Variants in ADPRM observed in about 807,000 individuals in gnomAD.
The protein encoded by ADPRM is manganese-dependent ADP-ribose/CDP-alcohol diphosphatase.
A neutral mutation model predicts 27.2 loss-of-function variants in ADPRM; 17 were observed. The ratio of observed to expected loss-of-function variants is 0.63; its 90% CI spans 0.43 to 0.94. ADPRM has a LOEUF of 0.94. Among genes scored for constraint, ADPRM ranks in the 40% least tolerant of loss-of-function variants. The pLI, the probability that ADPRM is intolerant of heterozygous loss-of-function variation, is 0.00. For synonymous variants in ADPRM, 135 were observed against 145.3 expected (o/e 0.93, Z 0.51); for missense variants, 337 against 412.8 (o/e 0.82, Z 1.59).
intron 3 of ADPRM, among the ~76,000 whole-genome samples, chr17:10,709,928 TG>T (rs1311929691): frequency 5.9e-5 from 9 of 152,196 alleles, no homozygotes; most frequent in Admixed American, 5.2e-4. Context: ...GTATCTCCTG[TG>T]GATGCCAGTA....
chr17:10,702,153 C>G lies in ADPRM; in HGVS notation c.-17-2757C>G, dbSNP rs1316461189. ...AAAAAGTCCGAAATCTAAAACACTT[C>G]TGGTCCCAAGCATTTTGGATAAGGA... On this transcript the variant is annotated intron_variant, in intron 1 of 3. Transcript: ENST00000379774. The surrounding 1 kb of genome is among the most constrained non-coding windows in gnomAD (Gnocchi z 4.2). Among the ~76,000 whole-genome samples, 7 of 152,218 alleles carry G rather than the reference C, an allele frequency of 4.6e-5. No homozygotes were observed. The highest frequency in any genetic ancestry group is 1.7e-4 in the African/African-American group (7 of 41,450).
chr17:10,698,902 A>G (rs915330667), intron 1 of ADPRM: 1 of 152,218 alleles, frequency 6.6e-6, no homozygotes, highest in African/African-American at 2.4e-5. Context: ...AAAAGACATA[A>G]AAGTACCTTG....
In ADPRM at chr17:10,705,848, TGAAACA is replaced by T; in HGVS notation, c.601+328_601+333del. The T allele has an allele frequency of 3.1e-6, 1 of 325,276 alleles. No individual in the cohort carries two copies. The highest frequency in any genetic ancestry group is 5.7e-6 in the Non-Finnish European group (1 of 174,796). 20.1% of individuals were successfully genotyped at this position (325,276 alleles called of 1,614,324 possible). ...GTACGTGGGCAAGACAGATGATAAATGAAACAGAAACAAGATTATTTCCACGGTCGT... is the reference window on the plus strand; with the variant it reads ...GTACGTGGGCAAGACAGATGATAAATGAAACAAGATTATTTCCACGGTCGT... On this transcript the variant is annotated intron_variant, in intron 2 of 3. Coordinates refer to ENST00000379774, the MANE Select transcript of ADPRM (RefSeq NM_020233.5). The surrounding 1 kb of genome is among the most constrained non-coding windows in gnomAD (Gnocchi z 5.4).
Position 10,705,796 on chromosome 17 carries a change from A to G in ADPRM, c.601+269A>G, listed in dbSNP as rs2074808981. ...CAATACTAACAATATTACTTTTTTG[A>G]TGGATGGAATGGAGGGAACAAACAC... On this transcript the variant is annotated intron_variant, in intron 2 of 3. Transcript: ENST00000379774. This position sits in a 1 kb window ranked among gnomAD's most constrained non-coding sequence, Gnocchi z 5.4. 1 of 448,390 alleles carries G rather than the reference A, an allele frequency of 2.2e-6. No homozygotes were observed. Among genetic ancestry groups the G allele is most frequent in the Non-Finnish European group, 4.0e-6 (1 of 247,108 alleles). The allele number at this position is 448,390 out of a possible 1,614,324, so 27.8% of individuals were successfully genotyped here.
rs765697723 is a variant in ADPRM at position 10,705,182 on chromosome 17, T to C, written c.256T>C (p.Ser86Pro). Residue 86 changes from serine to proline, a missense_variant, in exon 2 of 4, where the codon TCC (serine) becomes CCC (proline). By Grantham distance (74) the Ser-to-Pro change is moderately conservative (BLOSUM62 -1). Transcript: ENST00000379774. This position sits in a 1 kb window ranked among gnomAD's most constrained non-coding sequence, Gnocchi z 5.4. ...IDGYNAQYNASKKSLELVMDM... is the reference protein window; with the variant it reads ...IDGYNAQYNAPKKSLELVMDM... ...TGGATATAATGCACAGTATAATGCA[T>C]CCAAAAAGTCCCTAGAACTTGTTAT... 7.4e-6 allele frequency: 12 copies of C among 1,614,070 alleles called. No homozygotes were observed. The highest frequency in any genetic ancestry group is 2.7e-5 in the African/African-American group (2 of 75,018).
chr17:10,700,644 G>T (rs1885337948), intron 1 of ADPRM, among the ~76,000 whole-genome samples: 1 of 151,122 alleles, frequency 6.6e-6, no homozygotes, highest in Non-Finnish European at 1.5e-5. Flanking sequence ...CATGCCTGTA[G>T]TCTTAGCTAC....
rs1445296145 is a variant in ADPRM at position 10,705,178 on chromosome 17, T to C, written c.252T>C (p.Asn84=). 1 of 1,614,156 alleles carries C rather than the reference T, an allele frequency of 6.2e-7. No individual in the cohort carries two copies. Among genetic ancestry groups the C allele is most frequent in the Admixed American group, 1.7e-5 (1 of 60,022 alleles). The change falls in exon 2 of 4, where the codon AAT becomes AAC. Residue 84 remains asparagine, a synonymous_variant. Coordinates refer to ENST00000379774, the MANE Select transcript of ADPRM (RefSeq NM_020233.5). The surrounding 1 kb of genome is among the most constrained non-coding windows in gnomAD (Gnocchi z 5.4). ...TCGATGGATATAATGCACAGTATAA[T>C]GCATCCAAAAAGTCCCTAGAACTTG... ...DIIDGYNAQY[N]ASKKSLELVM... is the part of the protein sequence containing the mutation.
intron 3 of ADPRM, among the ~76,000 whole-genome samples, chr17:10,709,119 A>C (rs903297755): frequency 9.9e-5 from 15 of 152,220 alleles, no homozygotes; most frequent in Non-Finnish European, 2.2e-4. Context: ...GGCTACTCCA[A>C]GGTCATCCTA....
Position 10,706,459 on chromosome 17 carries a change from T to C in ADPRM, c.623T>C (p.Val208Ala), listed in dbSNP as rs1431683860. Residue 208 changes from valine (V) to alanine (A), a missense_variant, in exon 3 of 4, where the codon GTC becomes GCC. Val to Ala is a moderately conservative substitution (Grantham distance 64). Coordinates refer to ENST00000379774, the MANE Select transcript of ADPRM (RefSeq NM_020233.5). ...SPQGLSEPQF[V>A]QFNGGFSQEQ... ...TCAGGACTTTCTGAGCCCCAGTTTG[T>C]CCAGTTTAATGGAGGATTCAGCCAA... 2 of 1,599,952 alleles carry C rather than the reference T, an allele frequency of 1.3e-6. No homozygotes were observed. The highest frequency in any genetic ancestry group is 1.7e-6 in the Non-Finnish European group (2 of 1,175,112).
At chr17:10,698,298 T>C (rs1039969097) in intron 1 of ADPRM, 9 of 152,234 alleles carry the variant, frequency 5.9e-5, no homozygotes, top group African/African-American at 2.2e-4. Flanking sequence ...TTGAAGTTTG[T>C]TATGGGTTCC....
rs2662938 is a variant in ADPRM at position 10,697,598 on chromosome 17, G to A, written c.-87G>A. On this transcript the variant is annotated 5_prime_UTR_variant, in exon 1 of 4. Coordinates refer to ENST00000379774, the MANE Select transcript of ADPRM (RefSeq NM_020233.5). ...GAAGTCGGAAGGAGTCGCTCTGTCC[G>A]TCCCGCTCGTTGGTGGCGCTGTTAC... 16,288 of 1,502,356 alleles carry A rather than the reference G, an allele frequency of 0.011. 1,201 individuals carry two copies. In the African/African-American group the frequency reaches 0.18, roughly 16 times the overall value. 93.1% of individuals were successfully genotyped at this position (1,502,356 alleles called of 1,614,324 possible).
chr17:10,698,350 G>A (rs1956072344), intron 1 of ADPRM: 1 of 152,124 alleles, frequency 6.6e-6, no homozygotes, highest in Non-Finnish European at 1.5e-5. Flanking sequence ...GAGGCCAAGA[G>A]CATTCGTAGG....
At chr17:10,709,207 A>C (rs2074834276) in intron 3 of ADPRM, among the ~76,000 whole-genome samples, 1 of 152,202 alleles carries the variant, frequency 6.6e-6, no homozygotes, top group South Asian at 2.1e-4. Flanking sequence ...CAGGATGAGA[A>C]GTGCGAGTGG....
In ADPRM at chr17:10,704,796, C is replaced by G. The variant is rs1252045200; in HGVS notation, c.-17-114C>G. 5 of 896,498 alleles carry G rather than the reference C, an allele frequency of 5.6e-6. No homozygotes were observed. The African/African-American group carries it at 8.4e-5, about 15-fold the overall frequency. 55.5% of individuals were successfully genotyped at this position (896,498 alleles called of 1,614,324 possible). A position where few individuals can be genotyped will look rare whatever the true frequency, so the allele number is the denominator to read the frequency against. ...GGCTCTAAAGCCCACGTACTTTTTC[C>G]TGTACCAAGCTGCCTAATGAATTAA... On this transcript the variant is annotated intron_variant, in intron 1 of 3. Coordinates refer to ENST00000379774, the MANE Select transcript of ADPRM (RefSeq NM_020233.5).
intron 3 of ADPRM, among the ~76,000 whole-genome samples, chr17:10,710,571 G>A (rs573087085): frequency 1.3e-5 from 2 of 152,270 alleles, no homozygotes; most frequent in South Asian, 2.1e-4. Context: ...TTGAGATGAC[G>A]TAGGCCTCAG....
intron 1 of ADPRM, among the ~76,000 whole-genome samples, chr17:10,701,393 C>G (rs568184894): frequency 6.6e-6 from 1 of 151,650 alleles, no homozygotes; most frequent in Non-Finnish European, 1.5e-5. Context: ...TGCAGTGGCG[C>G]GATCTCGGCT....
Position 10,705,297 on chromosome 17 carries a change from C to T in ADPRM, c.371C>T (p.Ser124Phe). 1.2e-6 allele frequency: 2 copies of T among 1,613,958 alleles called. No individual in the cohort carries two copies. The highest frequency in any genetic ancestry group is 1.7e-6 in the Non-Finnish European group (2 of 1,179,950). Residue 124 changes from serine (S) to phenylalanine (F), a missense_variant, in exon 2 of 4, where the codon TCT becomes TTT. Ser to Phe is a radical substitution (Grantham distance 155). Transcript: ENST00000379774. The surrounding 1 kb of genome is among the most constrained non-coding windows in gnomAD (Gnocchi z 5.4). ...YNFSREYLTH[S>F]KLNTKFLEDQ... Reference sequence around the variant, plus strand: ...TTCAGTAGAGAGTATTTAACACACTCTAAACTTAACACTAAGTTTCTAGAA... The same window carrying T: ...TTCAGTAGAGAGTATTTAACACACTTTAAACTTAACACTAAGTTTCTAGAA...
chr17:10,706,454 G>A lies in ADPRM; in HGVS notation c.618G>A (p.Gln206=), dbSNP rs531623557. 1.3e-6 allele frequency: 2 copies of A among 1,599,086 alleles called. No individual in the cohort carries two copies. Among genetic ancestry groups the A allele is most frequent in the East Asian group, 4.6e-5 (2 of 43,840 alleles). Residue 206 remains glutamine (Q), a synonymous_variant, in exon 3 of 4, where the codon CAG becomes CAA. Coordinates refer to ENST00000379774, the MANE Select transcript of ADPRM (RefSeq NM_020233.5). The part of the protein sequence containing the change: ...LNSPQGLSEP[Q]FVQFNGGFSQ... ...TCATTTCAGGACTTTCTGAGCCCCA[G>A]TTTGTCCAGTTTAATGGAGGATTCA...
At chr17:10,700,092 T>C (rs1046558981) in intron 1 of ADPRM, among the ~76,000 whole-genome samples, 2 of 152,232 alleles carry the variant, frequency 1.3e-5, no homozygotes, top group African/African-American at 4.8e-5. Flanking sequence ...GTATGGTATC[T>C]GCGTAGAAAA....
Sources: gnomAD v4.1 joint callset for allele counts (sites outside exome capture counted in the v4.1 genomes callset) on GRCh38, gnomAD v4.1.1 for gene constraint, Gnocchi (gnomAD v3.1) non-coding constraint, MANE v1.5 for transcripts, NCBI Gene and HGNC (gene_info 2026-07-23, HGNC 2026-07-21) for gene names.